The following SBNO1 variants were observed in gnomAD, a reference collection of about 807,000 sequenced individuals.
SBNO1 encodes protein strawberry notch homolog 1.
In SBNO1, 23 loss-of-function variants were observed where a neutral mutation model predicts 173.6. The observed-to-expected ratio is 0.13, with a 90% confidence interval of 0.10 to 0.19. The LOEUF (loss-of-function observed/expected upper bound fraction) is 0.19. Among genes scored for constraint, SBNO1 ranks in the 10% least tolerant of loss-of-function variants. The probability of loss-of-function intolerance (pLI) is 1.00; values close to 1 mark genes in which losing one functional copy is unlikely to be tolerated. For synonymous variants in SBNO1, 632 were observed against 571.5 expected, an observed-to-expected ratio of 1.11 and a Z score of -1.51; for missense variants, 1,238 against 1,671.2, an observed-to-expected ratio of 0.74 and a Z score of 4.52.
intron 15 of SBNO1, 116 bp from the exon 16 acceptor site, chr12:123,323,947 A>G: frequency 1.3e-6 from 1 of 757,410 alleles, no homozygotes; most frequent in South Asian, 3.4e-5. Flanking sequence ...CTGATAAACG[A>G]GCTCAAATAA....
Position 123,317,320 on chromosome 12 carries a change from T to C in SBNO1, c.2836A>G (p.Ile946Val). Residue 946 changes from isoleucine to valine, a missense_variant, in exon 21 of 32, where the codon ATT (isoleucine) becomes GTT (valine). Ile to Val is a conservative substitution (Grantham distance 29). Transcript: ENST00000602398. ...AIISEAASSG[I>V]SLQADRRAKN... Reference sequence around the variant, plus strand: ...GCTCTCCTATCTGCTTGTAATGAAATACCCGAGCTGGCAGCTTCTGAGATG... The same window carrying C: ...GCTCTCCTATCTGCTTGTAATGAAACACCCGAGCTGGCAGCTTCTGAGATG... 2 of 1,614,010 alleles carry C rather than the reference T, an allele frequency of 1.2e-6. No homozygotes were observed. Among genetic ancestry groups the C allele is most frequent in the Non-Finnish European group, 1.7e-6 (2 of 1,179,912 alleles).
At chr12:123,334,701 C>CT (rs1445321729) in intron 6 of SBNO1, among the ~76,000 whole-genome samples, 1 of 151,816 alleles carries the variant, frequency 6.6e-6, no homozygotes, top group Non-Finnish European at 1.5e-5. Context: ...CAGTGAGACT[C>CT]TGTCTCAAAA....
At chr12:123,353,026 G>C (rs539770715) in intron 1 of SBNO1, among the ~76,000 whole-genome samples, 1 of 152,240 alleles carries the variant, frequency 6.6e-6, no homozygotes, top group Non-Finnish European at 1.5e-5. Flanking sequence ...TCAAACTCCT[G>C]GGCTCAGGCA....
At chr12:123,314,549 C>T (rs1249670350) in intron 23 of SBNO1, among the ~76,000 whole-genome samples, 7 of 151,910 alleles carry the variant, frequency 4.6e-5, no homozygotes, top group Admixed American at 1.3e-4. Flanking sequence ...AGGATGGTCT[C>T]GATCTCATGA....
chr12:123,294,634 C>CAAAAAAAAAAAAAAAGAAAA lies in SBNO1; in HGVS notation c.*1273_*1274insTTTTCTTTTTTTTTTTTTTT, dbSNP rs2048560224. ...TTTTCAATAGTGCAACCTGTGGAAG[C>CAAAAAAAAAAAAAAAGAAAA]AAAAAAAAAAAAAAAAAAAAAAAAA... is the stretch of plus-strand genomic sequence containing the variant. On this transcript the variant is annotated 3_prime_UTR_variant, in exon 32 of 32. Coordinates refer to ENST00000602398, the MANE Select transcript of SBNO1 (RefSeq NM_001167856.3). 1 of 59,958 alleles carries CAAAAAAAAAAAAAAAGAAAA rather than the reference C, an allele frequency of 1.7e-5. No individual in the cohort carries two copies. Among genetic ancestry groups the CAAAAAAAAAAAAAAAGAAAA allele is most frequent in the Non-Finnish European group, 2.7e-5 (1 of 36,860 alleles). 3.7% of individuals were successfully genotyped at this position (59,958 alleles called of 1,614,324 possible). A position where few individuals can be genotyped will look rare whatever the true frequency, so the allele number is the denominator to read the frequency against.
intron 19 of SBNO1, 27 bp from the exon 20 acceptor site, chr12:123,320,058 A>G: frequency 6.2e-7 from 1 of 1,613,434 alleles, no homozygotes; most frequent in Non-Finnish European, 8.5e-7. Flanking sequence ...TGTCATTACA[A>G]TGAAGGTATC....
chr12:123,337,982 G>GT (rs1872053844), intron 5 of SBNO1, among the ~76,000 whole-genome samples: 1 of 152,118 alleles, frequency 6.6e-6, no homozygotes, highest in Admixed American at 6.6e-5. Flanking sequence ...GAACAAACAA[G>GT]TAATACCTTG....
chr12:123,331,863 T>C (rs1318386566), intron 7 of SBNO1, among the ~76,000 whole-genome samples: 1 of 151,964 alleles, frequency 6.6e-6, no homozygotes, highest in East Asian at 1.9e-4. Context: ...TTCTTTTTTT[T>C]CTTTTTTTGA....
intron 31 of SBNO1, among the ~76,000 whole-genome samples, chr12:123,297,713 A>G (rs1422062426): frequency 6.6e-6 from 1 of 152,178 alleles, no homozygotes; most frequent in Non-Finnish European, 1.5e-5. Context: ...GAGCCTGCAC[A>G]GCCACCAAGA....
At chr12:123,297,400 CAA>C (rs59447456) in intron 31 of SBNO1, among the ~76,000 whole-genome samples, 394 of 31,510 alleles carry the variant, frequency 0.013, 14 homozygotes, top group African/African-American at 0.018. Context: ...TACTGGTGTC[CAA>C]AAAAAAAAAA....
At chr12:123,333,247 T>C (rs1871427142) in intron 7 of SBNO1, among the ~76,000 whole-genome samples, 1 of 151,738 alleles carries the variant, frequency 6.6e-6, no homozygotes, top group Non-Finnish European at 1.5e-5. Flanking sequence ...ATTTTACAGA[T>C]ATGGAATATG....
chr12:123,296,653 C>T (rs564725823), intron 31 of SBNO1, among the ~76,000 whole-genome samples: 2 of 151,986 alleles, frequency 1.3e-5, no homozygotes, highest in East Asian at 1.9e-4. Flanking sequence ...CTCCGCCTCC[C>T]GGGTTGAAGT....
At chr12:123,311,475 G>A (rs934019160) in intron 24 of SBNO1, among the ~76,000 whole-genome samples, 1 of 152,036 alleles carries the variant, frequency 6.6e-6, no homozygotes, top group Admixed American at 6.6e-5. Context: ...ACGGGTTCAA[G>A]CAATTCTCCT....
In SBNO1 at chr12:123,327,922, T is replaced by C. The variant is rs1870777097; in HGVS notation, c.1402A>G (p.Lys468Glu). ...AVLELQNKLP[K>E]ARVVYASATG... ...GCACTAGCATAAACAACTCTGGCTT[T>C]TGGCAATTTGTTCTGAAGCTCTAAA... Residue 468 changes from lysine (K) to glutamate (E), a missense_variant, in exon 11 of 32, where the codon AAA becomes GAA. Transcript: ENST00000602398. 1.2e-6 allele frequency: 2 copies of C among 1,612,884 alleles called. No individual in the cohort carries two copies. The highest frequency in any genetic ancestry group is 1.7e-6 in the Non-Finnish European group (2 of 1,179,200).
At chr12:123,301,940 G>GT (rs1593324151) in intron 30 of SBNO1, among the ~76,000 whole-genome samples, 1 of 149,932 alleles carries the variant, frequency 6.7e-6, no homozygotes, top group East Asian at 2.1e-4. Flanking sequence ...GCGAAAAAGT[G>GT]GTTTGTTTTT....
chr12:123,343,825 C>T (rs934036804), intron 4 of SBNO1, among the ~76,000 whole-genome samples: 3 of 152,130 alleles, frequency 2.0e-5, no homozygotes, highest in Non-Finnish European at 2.9e-5. Context: ...CATGAGCCAC[C>T]GCGTCCGGCC....
chr12:123,354,531 C>G (rs1039837286), intron 1 of SBNO1, among the ~76,000 whole-genome samples: 9 of 152,168 alleles, frequency 5.9e-5, no homozygotes, highest in Non-Finnish European at 1.2e-4. Flanking sequence ...ATCCCATTCT[C>G]TAACTCCATT....
intron 30 of SBNO1, among the ~76,000 whole-genome samples, chr12:123,301,094 GC>G (rs912040203): frequency 6.6e-6 from 1 of 151,206 alleles, no homozygotes; most frequent in Non-Finnish European, 1.5e-5. Flanking sequence ...CGCAACTTTT[GC>G]CTCACAGGCT....
rs143013489 is a variant in SBNO1, at chr12:123,294,634, CAAAAAAAAAAAAAAA to C, written c.*1259_*1273del. The C allele has an allele frequency of 1.8e-4, 11 of 59,956 alleles. No homozygotes were observed. Among genetic ancestry groups the C allele is most frequent in the South Asian group, 8.5e-4 (1 of 1,180 alleles). The allele number at this position is 59,956 out of a possible 1,614,324, so 3.7% of individuals were successfully genotyped here. On this transcript the variant is annotated 3_prime_UTR_variant, in exon 32 of 32. Transcript: ENST00000602398. ...TTTTCAATAGTGCAACCTGTGGAAG[CAAAAAAAAAAAAAAA>C]AAAAAAAAAAAAGAAAAAAAGAAAA...
Sources: gnomAD v4.1 joint callset for allele counts (sites outside exome capture counted in the v4.1 genomes callset) on GRCh38, gnomAD v4.1.1 for gene constraint, MANE v1.5 for transcripts, NCBI Gene and HGNC (gene_info 2026-07-23, HGNC 2026-07-21) for gene names.